Variants in ALPL observed in about 807,000 individuals in gnomAD.
ALPL encodes alkaline phosphatase, biomineralization associated, also known as alkaline phosphatase, tissue-nonspecific isozyme.
ALPL carries 42 observed loss-of-function variants against 51.3 expected under a neutral mutation model. That is an observed-to-expected ratio of 0.82 (90% CI 0.64 to 1.06). The LOEUF is 1.06. Ranked by LOEUF, ALPL falls within the 50% of genes least tolerant of loss-of-function variation. The pLI, the probability that ALPL is intolerant of heterozygous loss-of-function variation, is 0.00. For synonymous variants in ALPL, 279 were observed against 296.4 expected, an observed-to-expected ratio of 0.94 and a Z score of 0.60; for missense variants, 589 against 709.4, an observed-to-expected ratio of 0.83 and a Z score of 1.93.
intron 1 of ALPL, among the ~76,000 whole-genome samples, chr1:21,552,099 TTCCCTTTCCTCCCCTTCCCTTTCC>T (rs1411474840): frequency 3.0e-5 from 1 of 33,260 alleles, no homozygotes; most frequent in Non-Finnish European, 5.7e-5. Flanking sequence ...TTCCCTTCCC[TTCCCTTTCCTCCCCTTCCCTTTCC>T]TCCCTCCCCT....
At chr1:21,525,349 G>A (rs952851043) in intron 1 of ALPL, among the ~76,000 whole-genome samples, 2 of 152,194 alleles carry the variant, frequency 1.3e-5, no homozygotes, top group Non-Finnish European at 2.9e-5. Flanking sequence ...AAAATGCATG[G>A]CCCATAGACT....
Position 21,570,651 on chromosome 1 carries a change from C to T in ALPL, c.862+277C>T, listed in dbSNP as rs537330131. 1.6e-4 allele frequency among the ~76,000 whole-genome samples: 24 copies of T among 152,288 alleles called. 1 individual carries two copies. The highest frequency in any genetic ancestry group is 4.8e-4 in the African/African-American group (20 of 41,554). Reference sequence around the variant, plus strand: ...CCGCGGCATGTGGCACAAGTGACAGCGGTACGGCCCAGGCAAGTTTGAGCC... The same window carrying T: ...CCGCGGCATGTGGCACAAGTGACAGTGGTACGGCCCAGGCAAGTTTGAGCC... On this transcript the variant is annotated intron_variant, in intron 8 of 11. Coordinates refer to ENST00000374840, the MANE Select transcript of ALPL (RefSeq NM_000478.6).
At chr1:21,560,521 A>C in intron 2 of ALPL, 105 bp from the exon 3 acceptor site, 1 of 1,475,790 alleles carries the variant, frequency 6.8e-7, no homozygotes, top group South Asian at 1.3e-5. Flanking sequence ...CCCACCTCCA[A>C]GTTCAGGCAT....
chr1:21,558,371 C>A (rs1644440242), intron 2 of ALPL, among the ~76,000 whole-genome samples: 1 of 143,932 alleles, frequency 6.9e-6, no homozygotes, highest in Non-Finnish European at 1.5e-5. Context: ...CCCAGTGGCA[C>A]CCAACTGGCC....
intron 1 of ALPL, among the ~76,000 whole-genome samples, chr1:21,511,896 C>G (rs1643694829): frequency 6.6e-6 from 1 of 152,228 alleles, no homozygotes; most frequent in Non-Finnish European, 1.5e-5. Flanking sequence ...ACCTGAGGAG[C>G]TGGGGCTGGA....
At chr1:21,572,332 G>A (rs1283098883) in intron 8 of ALPL, among the ~76,000 whole-genome samples, 2 of 152,150 alleles carry the variant, frequency 1.3e-5, no homozygotes, top group Non-Finnish European at 2.9e-5. Flanking sequence ...GGTCTTGGCT[G>A]TTGGCAGGAG....
chr1:21,568,147 A>G lies in ALPL; in HGVS notation c.692A>G (p.Lys231Arg), dbSNP rs757551727. The G allele has an allele frequency of 1.9e-6, 3 of 1,613,988 alleles. No homozygotes were observed. Among genetic ancestry groups the G allele is most frequent in the Non-Finnish European group, 1.7e-6 (2 of 1,180,008 alleles). ...CGGAAATACATGTACCCCAAGAATA[A>G]AACTGATGTGGAGTATGAGAGTGAC... ...GGRKYMYPKN[K>R]TDVEYESDEK... is the part of the protein sequence containing the mutation. The change falls in exon 7 of 12, where the codon AAA (lysine) becomes AGA (arginine). Residue 231 changes from lysine (K) to arginine (R), a missense_variant. Transcript: ENST00000374840.
intron 1 of ALPL, among the ~76,000 whole-genome samples, chr1:21,535,140 A>G (rs1207223119): frequency 6.6e-6 from 1 of 152,210 alleles, no homozygotes; most frequent in African/African-American, 2.4e-5. Context: ...GGAAAGCCCT[A>G]GGCATAGAAG....
At chr1:21,560,949 G>C (rs1402519111) in intron 3 of ALPL, 148 bp from the exon 4 acceptor site, 2 of 978,114 alleles carry the variant, frequency 2.0e-6, no homozygotes, top group African/African-American at 3.2e-5. Context: ...AGGGAGAGAG[G>C]GGCTGCTCAC....
Position 21,561,217 on chromosome 1 carries a change from G to C in ALPL, c.297+5G>C. 1 of 1,600,606 alleles carries C rather than the reference G, an allele frequency of 6.2e-7. No homozygotes were observed. On this transcript the variant is annotated splice_donor_5th_base_variant and intron_variant, in intron 4 of 11. Coordinates refer to ENST00000374840, the MANE Select transcript of ALPL (RefSeq NM_000478.6). ...CCCTTCGTGGCCCTCTCCAAGGTGA[G>C]CCCCATCCCCAAGCCCAGTTCAGGT...
chr1:21,558,488 G>T (rs889333653), intron 2 of ALPL, among the ~76,000 whole-genome samples: 1 of 152,230 alleles, frequency 6.6e-6, no homozygotes, highest in Admixed American at 6.5e-5. Context: ...CTCTGGCCCC[G>T]GCCTTGCCCA....
chr1:21,575,473 T>C lies in ALPL; in HGVS notation c.998-260T>C, dbSNP rs369228989. 6.8e-4 allele frequency among the ~76,000 whole-genome samples: 104 copies of C among 152,272 alleles called. 3 individuals are homozygous for C. In the South Asian group the frequency reaches 0.021, roughly 31 times the overall value. On this transcript the variant is annotated intron_variant, in intron 9 of 11. Coordinates refer to ENST00000374840, the MANE Select transcript of ALPL (RefSeq NM_000478.6). Reference sequence around the variant, plus strand: ...GTGGGAGGAGTACAGCTTCCCGGCCTGGTGAATTTGATTACACATCTGGAC... The same window carrying C: ...GTGGGAGGAGTACAGCTTCCCGGCCCGGTGAATTTGATTACACATCTGGAC...
At chr1:21,571,214 C>G (rs1299636411) in intron 8 of ALPL, among the ~76,000 whole-genome samples, 3 of 152,192 alleles carry the variant, frequency 2.0e-5, no homozygotes, top group African/African-American at 7.2e-5. Context: ...AGTGATTTCT[C>G]CTCTTTCTGC....
intron 1 of ALPL, among the ~76,000 whole-genome samples, chr1:21,527,514 G>A (rs1214965767): frequency 6.6e-6 from 1 of 151,426 alleles, no homozygotes; most frequent in Non-Finnish European, 1.5e-5. Context: ...GTACAAACCT[G>A]AGCCCTTGAT....
intron 1 of ALPL, among the ~76,000 whole-genome samples, chr1:21,529,967 G>A (rs774289636): frequency 6.6e-6 from 1 of 152,134 alleles, no homozygotes; most frequent in African/African-American, 2.4e-5. Context: ...TAGAGATGGA[G>A]TTTCATTGTG....
chr1:21,540,110 C>T (rs1042785383), intron 1 of ALPL, among the ~76,000 whole-genome samples: 4 of 152,198 alleles, frequency 2.6e-5, no homozygotes, highest in African/African-American at 7.2e-5. Context: ...CCTCCCCCAC[C>T]GCTTTCTGTA....
chr1:21,561,414 G>T (rs1644483262), intron 4 of ALPL, among the ~76,000 whole-genome samples: 1 of 152,166 alleles, frequency 6.6e-6, no homozygotes, highest in Admixed American at 6.5e-5. Context: ...TTTAGAGAGA[G>T]GGTCTTGCTC....
At chr1:21,526,843 T>C (rs1339706747) in intron 1 of ALPL, among the ~76,000 whole-genome samples, 1 of 152,164 alleles carries the variant, frequency 6.6e-6, no homozygotes, top group Non-Finnish European at 1.5e-5. Context: ...ATCTGTGGCT[T>C]TTCCCTACAA....
At chr1:21,569,319 G>A (rs933990382) in intron 7 of ALPL, among the ~76,000 whole-genome samples, 2 of 152,186 alleles carry the variant, frequency 1.3e-5, no homozygotes, top group Non-Finnish European at 2.9e-5. Flanking sequence ...ACTCGGTCTA[G>A]ACCTCTAAGA....
Sources: gnomAD v4.1 joint callset for allele counts (sites outside exome capture counted in the v4.1 genomes callset) on GRCh38, gnomAD v4.1.1 for gene constraint, MANE v1.5 for transcripts, NCBI Gene and HGNC (gene_info 2026-07-23, HGNC 2026-07-21) for gene names.